ZNF106: variants seen among roughly 807,000 people sequenced by gnomAD.
ZNF106 encodes the protein zinc finger protein 106, also known as SH3-domain binding protein 3.
ZNF106 carries 67 observed loss-of-function variants against 195.1 expected under a neutral mutation model. The ratio of observed to expected loss-of-function variants is 0.34; its 90% CI spans 0.28 to 0.42. The LOEUF is 0.42. Ranked by LOEUF, ZNF106 falls within the 10% of genes least tolerant of loss-of-function variation. ZNF106 has a pLI of 1.00. For missense variants in ZNF106, 2,118 were observed against 2,304.5 expected, an observed-to-expected ratio of 0.92 and a Z score of 1.66; for synonymous variants, 784 against 818.6, an observed-to-expected ratio of 0.96 and a Z score of 0.72.
chr15:42,426,208 C>T (rs1051906645), intron 15 of ZNF106, among the ~76,000 whole-genome samples: 1 of 152,160 alleles, frequency 6.6e-6, no homozygotes, highest in Non-Finnish European at 1.5e-5. Context: ...AGAGTATGGG[C>T]AACCTAGGAA....
At position 42,448,324 on chromosome 15, in the gene ZNF106, T is replaced by C. The variant is rs781641788; in HGVS notation, c.2883A>G (p.Ala961=). 6.2e-7 allele frequency: 1 copy of C among 1,614,224 alleles called. No homozygotes were observed. Among genetic ancestry groups the C allele is most frequent in the Non-Finnish European group, 8.5e-7 (1 of 1,180,028 alleles). Residue 961 remains alanine (A), a synonymous_variant, in exon 6 of 22, where the codon GCA becomes GCG. Transcript: ENST00000564754. The part of the protein sequence containing the change: ...ENVATQRRHS[A]QLSSDHIIPL... ...GTATTATATGGTCAGAGGATAATTGTGCACTATGTCGCCTTTGGGTAGCAA... is the reference window on the plus strand; with the variant it reads ...GTATTATATGGTCAGAGGATAATTGCGCACTATGTCGCCTTTGGGTAGCAA...
intron 1 of ZNF106, among the ~76,000 whole-genome samples, chr15:42,480,927 G>A (rs1044069610): frequency 1.3e-5 from 2 of 152,182 alleles, no homozygotes; most frequent in Non-Finnish European, 2.9e-5. Context: ...AGAGGTTGCA[G>A]TGAACAGAGA....
intron 3 of ZNF106, among the ~76,000 whole-genome samples, chr15:42,460,612 G>C (rs1465787205): frequency 6.6e-6 from 1 of 152,238 alleles, no homozygotes; most frequent in Non-Finnish European, 1.5e-5. Context: ...TGTAATCCCA[G>C]CACTTTGGGA....
intron 1 of ZNF106, among the ~76,000 whole-genome samples, chr15:42,486,467 C>G (rs1276355678): frequency 6.6e-6 from 1 of 152,068 alleles, no homozygotes; most frequent in Non-Finnish European, 1.5e-5. Flanking sequence ...CGCTTTGAAG[C>G]CCAGGCTGAT....
intron 16 of ZNF106, 142 bp from the exon 17 acceptor site, chr15:42,424,202 A>G: frequency 1.5e-6 from 1 of 670,256 alleles, no homozygotes; most frequent in Non-Finnish European, 2.5e-6. Flanking sequence ...TTCTCAGATG[A>G]ATTTTCTCAG....
At position 42,413,486 on chromosome 15, in the gene ZNF106, G is replaced by A. The variant is rs577916744; in HGVS notation, c.*3818C>T. 3 of 152,724 alleles carry A rather than the reference G, an allele frequency of 2.0e-5. No homozygotes were observed. The highest frequency in any genetic ancestry group is 3.9e-4 in the East Asian group (2 of 5,192). 9.5% of individuals were successfully genotyped at this position (152,724 alleles called of 1,614,324 possible). A position where few individuals can be genotyped will look rare whatever the true frequency, so the allele number is the denominator to read the frequency against. ...GTTATTTGAGCAAACCAGAGCATAT[G>A]TGCTGTTCAAATCCCACTTCACAAT... is the stretch of plus-strand genomic sequence containing the variant. On this transcript the variant is annotated 3_prime_UTR_variant, in exon 22 of 22. Coordinates refer to ENST00000564754, the MANE Select transcript of ZNF106 (RefSeq NM_001366845.3).
Position 42,450,078 on chromosome 15 carries a change from T to C in ZNF106, c.2194A>G (p.Ser732Gly). The change falls in exon 5 of 22, where the codon AGT (serine) becomes GGT (glycine). Residue 732 changes from serine (S) to glycine (G), a missense_variant. By Grantham distance (56) the Ser-to-Gly change is moderately conservative (BLOSUM62 0). Coordinates refer to ENST00000564754, the MANE Select transcript of ZNF106 (RefSeq NM_001366845.3). ...GGCAGGAGAGGGCCCGAGGGCTGAC[T>C]GATGTCACTTTTTTGAAGCTCTGCA... is the stretch of plus-strand genomic sequence containing the variant. ...LDAELQKSDI[S>G]QPSGPLLPEL... The C allele has an allele frequency of 1.2e-6, 2 of 1,614,212 alleles. No individual in the cohort carries two copies. Among genetic ancestry groups the C allele is most frequent in the Non-Finnish European group, 1.7e-6 (2 of 1,180,038 alleles).
At chr15:42,438,296 CAGG>C (rs1186564700) in intron 12 of ZNF106, among the ~76,000 whole-genome samples, 2 of 152,122 alleles carry the variant, frequency 1.3e-5, no homozygotes, top group Non-Finnish European at 2.9e-5. Flanking sequence ...GAGGCTGAGG[CAGG>C]AGAACTGCTT....
chr15:42,469,577 C>G (rs906531539), intron 2 of ZNF106, among the ~76,000 whole-genome samples: 4 of 152,106 alleles, frequency 2.6e-5, no homozygotes, highest in African/African-American at 9.7e-5. Context: ...GTGGCTCACA[C>G]CTGTAATTAC....
rs542359029 is a variant in ZNF106, at chr15:42,421,997, GA to G, written c.5374-10del. The G allele has an allele frequency of 5.2e-3, 6,350 of 1,228,166 alleles. No individual in the cohort carries two copies. Among genetic ancestry groups the G allele is most frequent in the South Asian group, 0.015 (957 of 63,864 alleles). The allele number at this position is 1,228,166 out of a possible 1,614,324, so 76.1% of individuals were successfully genotyped here. A position where few individuals can be genotyped will look rare whatever the true frequency, so the allele number is the denominator to read the frequency against. On this transcript the variant is annotated splice_polypyrimidine_tract_variant and intron_variant, in intron 18 of 21. Coordinates refer to ENST00000564754, the MANE Select transcript of ZNF106 (RefSeq NM_001366845.3). ...TGTAATCGATCATGAGACTTAGGCAGAAAAAAAAAAAGAGAATTGAAGTTAT... is the reference window on the plus strand; with the variant it reads ...TGTAATCGATCATGAGACTTAGGCAGAAAAAAAAAAGAGAATTGAAGTTAT...
In ZNF106 at chr15:42,417,158, G is replaced by C; in HGVS notation, c.*146C>G. 1.3e-6 allele frequency: 1 copy of C among 747,436 alleles called. No homozygotes were observed. Among genetic ancestry groups the C allele is most frequent in the South Asian group, 1.8e-5 (1 of 56,600 alleles). The allele number at this position is 747,436 out of a possible 1,614,324, so 46.3% of individuals were successfully genotyped here. On this transcript the variant is annotated 3_prime_UTR_variant, in exon 22 of 22. Coordinates refer to ENST00000564754, the MANE Select transcript of ZNF106 (RefSeq NM_001366845.3). ...GTGTAATTTATCATCCCATAGAGCT[G>C]CCCAGACTTATGCTAGGGGTATGCC...
Position 42,428,006 on chromosome 15 carries a change from C to T in ZNF106, c.4998+12G>A, listed in dbSNP as rs1036925168. On this transcript the variant is annotated intron_variant, in intron 15 of 21. Coordinates refer to ENST00000564754, the MANE Select transcript of ZNF106 (RefSeq NM_001366845.3). ...GCATGGGAAGTAAGCCTTTTCTCCT[C>T]CAACCACTAACCTTTATGTTGAAGG... 1.2e-6 allele frequency: 2 copies of T among 1,608,744 alleles called. No individual in the cohort carries two copies. Among genetic ancestry groups the T allele is most frequent in the African/African-American group, 1.3e-5 (1 of 74,828 alleles).
At chr15:42,481,413 A>T (rs1328486384) in intron 1 of ZNF106, among the ~76,000 whole-genome samples, 3 of 135,736 alleles carry the variant, frequency 2.2e-5, no homozygotes, top group African/African-American at 5.6e-5. Context: ...GCTGGAGTGC[A>T]GTGTTGCCAC....
Position 42,457,157 on chromosome 15 carries a change from C to T in ZNF106, c.118G>A (p.Asp40Asn). The stretch of plus-strand genomic sequence containing the variant: ...CACACTCGGCACTCATGACTAATGT[C>T]CCTAGGGAAAGAGGGAGATGAGGGA... ...HRELENLKGR[D>N]ISHECRVCGV... The change falls in exon 4 of 22, where the codon GAC becomes AAC. Residue 40 changes from aspartate to asparagine, a missense_variant and splice_region_variant. Physicochemically the swap from Asp to Asn is conservative, Grantham distance 23 (BLOSUM62 1). Transcript: ENST00000564754. 6.2e-7 allele frequency: 1 copy of T among 1,614,144 alleles called. No homozygotes were observed. Among genetic ancestry groups the T allele is most frequent in the Non-Finnish European group, 8.5e-7 (1 of 1,180,036 alleles).
chr15:42,475,562 G>A (rs2056769124), intron 1 of ZNF106, among the ~76,000 whole-genome samples: 1 of 152,174 alleles, frequency 6.6e-6, no homozygotes, highest in Admixed American at 6.6e-5. Context: ...TACCTTTGTG[G>A]ATAGGTACAG....
At chr15:42,464,233 A>C (rs557411512) in intron 3 of ZNF106, among the ~76,000 whole-genome samples, 4 of 147,554 alleles carry the variant, frequency 2.7e-5, no homozygotes, top group Admixed American at 2.7e-4. Flanking sequence ...CCAGCTACTC[A>C]GGAGGGTGAA....
intron 3 of ZNF106, among the ~76,000 whole-genome samples, chr15:42,460,056 A>G (rs72707484): frequency 0.11 from 16,650 of 151,574 alleles, 1,052 homozygotes; most frequent in Non-Finnish European, 0.15. Flanking sequence ...AAAAAAAAAA[A>G]AGAAAATATT....
chr15:42,418,718 G>A (rs1289385088), intron 20 of ZNF106, among the ~76,000 whole-genome samples: 1 of 151,810 alleles, frequency 6.6e-6, no homozygotes, highest in Non-Finnish European at 1.5e-5. Context: ...ACTGTTGAAT[G>A]TAAATGTGAA....
chr15:42,451,640 T>C lies in ZNF106; in HGVS notation c.632A>G (p.Asn211Ser). The change falls in exon 5 of 22, where the codon AAT becomes AGT. Residue 211 changes from asparagine to serine, a missense_variant. Asn to Ser is a conservative substitution (Grantham distance 46). Coordinates refer to ENST00000564754, the MANE Select transcript of ZNF106 (RefSeq NM_001366845.3). Reference sequence around the variant, plus strand: ...ATGATTCCAATCTACTGCTCCACTATTTGAAAGCCAACCACCTCCAGAATT... The same window carrying C: ...ATGATTCCAATCTACTGCTCCACTACTTGAAAGCCAACCACCTCCAGAATT... ...HSNSGGGWLS[N>S]SGAVDWNHNG... The C allele has an allele frequency of 5.6e-6, 9 of 1,614,180 alleles. No individual in the cohort carries two copies. The highest frequency in any genetic ancestry group is 7.6e-6 in the Non-Finnish European group (9 of 1,180,032).
Sources: gnomAD v4.1 joint callset for allele counts (sites outside exome capture counted in the v4.1 genomes callset) on GRCh38, gnomAD v4.1.1 for gene constraint, MANE v1.5 for transcripts, NCBI Gene and HGNC (gene_info 2026-07-23, HGNC 2026-07-21) for gene names.